Variants in CSMD3 observed in about 807,000 individuals in gnomAD.
CSMD3 encodes CUB and Sushi multiple domains 3.
A neutral mutation model predicts 435.2 loss-of-function variants in CSMD3; 177 were observed. That is an observed-to-expected ratio of 0.41 (90% CI 0.36 to 0.46). CSMD3 has a LOEUF of 0.46. CSMD3 is among the 20% of genes least tolerant of loss of function. CSMD3 has a pLI of 0.34. For missense variants in CSMD3, 4,265 were observed against 4,504.6 expected, an observed-to-expected ratio of 0.95 and a Z score of 1.52; for synonymous variants, 1,656 against 1,520.5, an observed-to-expected ratio of 1.09 and a Z score of -2.07.
intron 1 of CSMD3, among the ~76,000 whole-genome samples, chr8:113,380,339 G>A (rs1263927502): frequency 6.6e-6 from 1 of 151,832 alleles, no homozygotes; most frequent in Non-Finnish European, 1.5e-5. Flanking sequence ...TTCAAACTAA[G>A]GTATGAATAA....
chr8:113,337,316 A>G (rs1324437804), intron 1 of CSMD3, among the ~76,000 whole-genome samples: 1 of 152,094 alleles, frequency 6.6e-6, no homozygotes, highest in Non-Finnish European at 1.5e-5. Flanking sequence ...GGAGAGAAGT[A>G]TGTCTATGCC....
intron 31 of CSMD3, among the ~76,000 whole-genome samples, chr8:112,473,793 T>C (rs1169752940): frequency 6.6e-6 from 1 of 150,838 alleles, no homozygotes; most frequent in Non-Finnish European, 1.5e-5. Flanking sequence ...CAGAATGAGT[T>C]TCCTGATTGG....
chr8:112,570,772 T>C (rs578155282), intron 24 of CSMD3, among the ~76,000 whole-genome samples: 7 of 152,282 alleles, frequency 4.6e-5, no homozygotes, highest in Admixed American at 1.3e-4. Context: ...AACCCAGCTG[T>C]TGGTTCACAA....
intron 3 of CSMD3, among the ~76,000 whole-genome samples, chr8:113,191,621 T>C (rs2092586532): frequency 2.0e-5 from 3 of 151,846 alleles, no homozygotes; most frequent in Admixed American, 2.0e-4. Flanking sequence ...TAGTAGTCCT[T>C]GGTGTCTATG....
intron 3 of CSMD3, among the ~76,000 whole-genome samples, chr8:113,230,052 T>C (rs972962104): frequency 3.3e-5 from 5 of 151,706 alleles, no homozygotes; most frequent in African/African-American, 1.2e-4. Flanking sequence ...TAGAGTTAAC[T>C]GTCTCCATTA....
intron 4 of CSMD3, among the ~76,000 whole-genome samples, chr8:113,137,376 TAA>T (rs530468287): frequency 9.2e-5 from 14 of 151,884 alleles, no homozygotes; most frequent in South Asian, 2.1e-4. Context: ...TATATGTTTA[TAA>T]AAAGAGTTTA....
At chr8:112,932,085 C>T (rs1192506798) in intron 9 of CSMD3, among the ~76,000 whole-genome samples, 4 of 152,114 alleles carry the variant, frequency 2.6e-5, no homozygotes, top group Non-Finnish European at 5.9e-5. Context: ...ACCAGCAATC[C>T]CACCACTGGG....
chr8:113,014,280 T>C (rs1467884666), intron 6 of CSMD3, among the ~76,000 whole-genome samples: 1 of 151,102 alleles, frequency 6.6e-6, no homozygotes, highest in Non-Finnish European at 1.5e-5. Flanking sequence ...CAGACTATTA[T>C]TTGTTATATA....
chr8:112,358,551 A>G (rs2131099684), intron 38 of CSMD3, among the ~76,000 whole-genome samples: 1 of 152,216 alleles, frequency 6.6e-6, no homozygotes, highest in South Asian at 2.1e-4. Flanking sequence ...AGTCTTTCCC[A>G]TGCTGTTCTT....
At chr8:113,199,244 C>G (rs1353175989) in intron 3 of CSMD3, among the ~76,000 whole-genome samples, 1 of 151,318 alleles carries the variant, frequency 6.6e-6, no homozygotes, top group Admixed American at 6.6e-5. Flanking sequence ...ATATTTTAGA[C>G]AATTCTCAAG....
At chr8:112,792,152 G>A (rs2078707133) in intron 13 of CSMD3, among the ~76,000 whole-genome samples, 2 of 152,112 alleles carry the variant, frequency 1.3e-5, no homozygotes, top group South Asian at 4.1e-4. Context: ...TTGCTTAACA[G>A]TGACTTTTGA....
At chr8:112,587,261 T>C (rs574181418) in intron 22 of CSMD3, 26 bp from the exon 23 acceptor site, 4 of 1,530,836 alleles carry the variant, frequency 2.6e-6, no homozygotes, top group South Asian at 1.1e-5. Flanking sequence ...AATATTGAAG[T>C]ACAGTTTAAT....
At chr8:112,244,164 GAAGATAGAATT>G (rs1814458733) in intron 65 of CSMD3, among the ~76,000 whole-genome samples, 1 of 152,104 alleles carries the variant, frequency 6.6e-6, no homozygotes, top group Admixed American at 6.6e-5. Context: ...GAGAGAATTT[GAAGATAGAATT>G]AAGGCAAGAA....
At chr8:112,455,616 T>C (rs1816754375) in intron 32 of CSMD3, among the ~76,000 whole-genome samples, 1 of 76,626 alleles carries the variant, frequency 1.3e-5, no homozygotes, top group Non-Finnish European at 3.4e-5. Flanking sequence ...AATAAATAAA[T>C]AAATAAATAA....
At chr8:112,936,799 T>C (rs2083293825) in intron 9 of CSMD3, among the ~76,000 whole-genome samples, 1 of 152,128 alleles carries the variant, frequency 6.6e-6, no homozygotes, top group African/African-American at 2.4e-5. Context: ...CCAGAAATAA[T>C]TGGCTTATCT....
chr8:113,098,466 A>C (rs2090230602), intron 5 of CSMD3: 4 of 391,704 alleles, frequency 1.0e-5, no homozygotes, highest in South Asian at 7.7e-5. Context: ...AAGACTATTC[A>C]ATTAATTTGA....
intron 35 of CSMD3, among the ~76,000 whole-genome samples, chr8:112,394,470 C>T (rs78223336): frequency 2.0e-4 from 31 of 152,210 alleles, no homozygotes; most frequent in South Asian, 1.0e-3. Flanking sequence ...TCAAACTCAC[C>T]GTGGTCTTCA....
intron 17 of CSMD3, among the ~76,000 whole-genome samples, chr8:112,657,752 G>A (rs2075290433): frequency 6.6e-6 from 1 of 152,188 alleles, no homozygotes; most frequent in Non-Finnish European, 1.5e-5. Context: ...TTTAACCAAG[G>A]TTTTCCTACA....
At chr8:113,307,517 T>C (rs972417577) in intron 2 of CSMD3, among the ~76,000 whole-genome samples, 1 of 152,140 alleles carries the variant, frequency 6.6e-6, no homozygotes, top group African/African-American at 2.4e-5. Context: ...AAATATAATA[T>C]TAATAATTTG....
Sources: gnomAD v4.1 joint callset for allele counts (sites outside exome capture counted in the v4.1 genomes callset) on GRCh38, gnomAD v4.1.1 for gene constraint, MANE v1.5 for transcripts, NCBI Gene and HGNC (gene_info 2026-07-23, HGNC 2026-07-21) for gene names.